The following AUTS2 variants were observed in gnomAD, a reference collection of about 807,000 sequenced individuals.
AUTS2 encodes autism susceptibility gene 2 protein.
Under a neutral mutation model 112.4 loss-of-function variants are expected in AUTS2, and 17 were observed. The ratio of observed to expected loss-of-function variants is 0.15; its 90% confidence interval spans 0.10 to 0.23. The LOEUF (loss-of-function observed/expected upper bound fraction) is 0.23, where lower values mean the gene tolerates loss of function less well. Among genes scored for constraint, AUTS2 ranks in the 10% least tolerant of loss-of-function variants. The pLI is 1.00. For synonymous variants in AUTS2, 751 were observed against 702.7 expected, an observed-to-expected ratio of 1.07 and a Z score of -1.09; for missense variants, 1,510 against 1,701.6, an observed-to-expected ratio of 0.89 and a Z score of 1.98.
At chr7:69,732,623 A>T (rs1339356792) in intron 1 of AUTS2, among the ~76,000 whole-genome samples, 1 of 152,138 alleles carries the variant, frequency 6.6e-6, no homozygotes, top group Non-Finnish European at 1.5e-5. Context: ...GCTATGGTTA[A>T]TTTCAGTAAA....
intron 2 of AUTS2, among the ~76,000 whole-genome samples, chr7:70,066,268 T>C (rs1802487694): frequency 1.3e-5 from 2 of 152,220 alleles, no homozygotes; most frequent in South Asian, 4.1e-4. Flanking sequence ...TTAATAGTGA[T>C]TGATCATAAA....
chr7:70,081,476 G>T (rs892015616), intron 2 of AUTS2, among the ~76,000 whole-genome samples: 1 of 151,348 alleles, frequency 6.6e-6, no homozygotes, highest in African/African-American at 2.4e-5. Flanking sequence ...CAGGAGAATC[G>T]CTTGAACCCG....
chr7:69,675,264 T>C (rs2129161212), intron 1 of AUTS2, among the ~76,000 whole-genome samples: 1 of 152,290 alleles, frequency 6.6e-6, no homozygotes, highest in Non-Finnish European at 1.5e-5. Context: ...TATTAGAACT[T>C]TTTTAGACGT....
chr7:70,574,805 C>G (rs1446506372), intron 5 of AUTS2, among the ~76,000 whole-genome samples: 1 of 152,140 alleles, frequency 6.6e-6, no homozygotes, highest in Non-Finnish European at 1.5e-5. Flanking sequence ...CACAAGACGG[C>G]TACTGGATTC....
At chr7:69,700,740 A>T (rs1797768469) in intron 1 of AUTS2, among the ~76,000 whole-genome samples, 1 of 152,242 alleles carries the variant, frequency 6.6e-6, no homozygotes. Flanking sequence ...ACTTCCAATA[A>T]TAAATGTGGT....
At chr7:70,255,364 G>A (rs989194380) in intron 4 of AUTS2, among the ~76,000 whole-genome samples, 3 of 152,034 alleles carry the variant, frequency 2.0e-5, no homozygotes, top group African/African-American at 2.4e-5. Flanking sequence ...GAGCCACCAC[G>A]CCCAGCCACG....
intron 2 of AUTS2, among the ~76,000 whole-genome samples, chr7:70,116,798 A>G (rs565657534): frequency 6.6e-6 from 1 of 152,304 alleles, no homozygotes; most frequent in South Asian, 2.1e-4. Flanking sequence ...CTCCCTGGCT[A>G]CTTTTTGGTT....
rs541019238 is a variant in AUTS2, at chr7:70,583,210, T to G, written c.691-115359T>G. Among the ~76,000 whole-genome samples the G allele has an allele frequency of 3.3e-5, 5 of 152,298 alleles. No homozygotes were observed. In the South Asian group the frequency reaches 1.0e-3, roughly 32 times the overall value. ...TTAATTATTATCCAAATTTTTCCCT[T>G]TAGTTAAGTCTTACGGTAAGATATC... On this transcript the variant is annotated intron_variant, in intron 5 of 18. Transcript: ENST00000342771.
At chr7:70,654,171 G>A (rs1163859824) in intron 5 of AUTS2, among the ~76,000 whole-genome samples, 5 of 152,128 alleles carry the variant, frequency 3.3e-5, no homozygotes, top group Non-Finnish European at 5.9e-5. Flanking sequence ...ACTACTGTAC[G>A]AGATGTGGGG....
chr7:70,053,544 G>GTTTTTTTTTTTTTATTTTTTTT (rs200867539), intron 2 of AUTS2, among the ~76,000 whole-genome samples: 2 of 127,848 alleles, frequency 1.6e-5, no homozygotes, highest in Non-Finnish European at 3.3e-5. Context: ...GTTTTGGGTG[G>GTTTTTTTTTTTTTATTTTTTTT]TTTTTTTTTT....
At chr7:70,366,707 C>A (rs1792586350) in intron 4 of AUTS2, among the ~76,000 whole-genome samples, 1 of 152,018 alleles carries the variant, frequency 6.6e-6, no homozygotes, top group South Asian at 2.1e-4. Context: ...AGGAATGTTC[C>A]AAAGGTATTT....
At chr7:70,596,226 C>T (rs1330716298) in intron 5 of AUTS2, 1 of 152,640 alleles carries the variant, frequency 6.6e-6, no homozygotes, top group African/African-American at 2.4e-5. Flanking sequence ...ATCCGCGAGC[C>T]GCGGGTAGAT....
intron 1 of AUTS2, among the ~76,000 whole-genome samples, chr7:69,638,159 C>A (rs1414989388): frequency 1.3e-5 from 2 of 152,214 alleles, no homozygotes; most frequent in African/African-American, 4.8e-5. Context: ...GCTGGGACTA[C>A]AGGTGCATGC....
At chr7:69,896,228 C>T (rs1794735205) in intron 1 of AUTS2, among the ~76,000 whole-genome samples, 1 of 152,216 alleles carries the variant, frequency 6.6e-6, no homozygotes, top group African/African-American at 2.4e-5. Context: ...ATTCATTGAA[C>T]ATTTACTATG....
chr7:69,752,438 A>C (rs181962906), intron 1 of AUTS2, among the ~76,000 whole-genome samples: 2 of 152,352 alleles, frequency 1.3e-5, no homozygotes, highest in East Asian at 3.9e-4. Flanking sequence ...TAATCAATCT[A>C]CAGTTAACTC....
At chr7:69,857,004 A>T (rs899792940) in intron 1 of AUTS2, among the ~76,000 whole-genome samples, 4 of 152,278 alleles carry the variant, frequency 2.6e-5, no homozygotes, top group Admixed American at 6.5e-5. Context: ...AGAGGAGGGG[A>T]TGCAGAAGCT....
At chr7:69,860,990 C>T (rs1000771653) in intron 1 of AUTS2, among the ~76,000 whole-genome samples, 7 of 152,056 alleles carry the variant, frequency 4.6e-5, no homozygotes, top group Admixed American at 2.0e-4. Context: ...ACCTGGGAAT[C>T]GACTCATTGA....
chr7:69,951,295 C>CT lies in AUTS2; in HGVS notation c.522+51807dup, dbSNP rs142770838. On this transcript the variant is annotated intron_variant, in intron 2 of 18. Transcript: ENST00000342771. ...ACTGGTCCACTCTTGAGTCTTCAGG[C>CT]TTTTTTTTTTGCTTCAAGAGTAGCA... 5.4e-4 allele frequency among the ~76,000 whole-genome samples: 79 copies of CT among 147,040 alleles called. No homozygotes were observed. In the South Asian group the frequency reaches 5.4e-3, roughly 10 times the overall value.
chr7:70,469,077 A>G (rs895294870), intron 5 of AUTS2, among the ~76,000 whole-genome samples: 25 of 152,352 alleles, frequency 1.6e-4, no homozygotes, highest in African/African-American at 6.0e-4. Context: ...ATAGCTTCAG[A>G]TGGCCAAGTC....
Sources: gnomAD v4.1 joint callset for allele counts (sites outside exome capture counted in the v4.1 genomes callset) on GRCh38, gnomAD v4.1.1 for gene constraint, MANE v1.5 for transcripts, NCBI Gene and HGNC (gene_info 2026-07-23, HGNC 2026-07-21) for gene names.